The following FRK variants were observed in gnomAD, a reference collection of about 807,000 sequenced individuals.
FRK encodes the protein fyn related Src family tyrosine kinase.
FRK carries 51 observed loss-of-function variants against 56.4 expected under a neutral mutation model. The ratio of observed to expected loss-of-function variants is 0.90; its 90% CI spans 0.72 to 1.14. FRK has a LOEUF of 1.14. Among genes scored for constraint, FRK ranks in the 50% most tolerant of loss-of-function variants. The probability of loss-of-function intolerance (pLI) is 0.00; values close to 1 mark genes in which losing one functional copy is unlikely to be tolerated. For synonymous variants in FRK, 245 were observed against 217.9 expected (o/e 1.12, Z -1.10); for missense variants, 570 against 601.4 (o/e 0.95, Z 0.55).
intron 1 of FRK, among the ~76,000 whole-genome samples, chr6:116,050,092 G>A (rs1777130373): frequency 6.6e-6 from 1 of 152,126 alleles, no homozygotes; most frequent in South Asian, 2.1e-4. Flanking sequence ...GCTAACTGAG[G>A]AAATGAAAAT....
intron 1 of FRK, among the ~76,000 whole-genome samples, chr6:116,045,198 C>A (rs1170706956): frequency 1.3e-5 from 2 of 152,160 alleles, no homozygotes; most frequent in African/African-American, 4.8e-5. Context: ...CATCAAGCTA[C>A]CACTGACTTT....
chr6:115,935,566 C>T lies in FRK; in HGVS notation c.*6848G>A, dbSNP rs2095796. The T allele has an allele frequency of 0.023, 3,552 of 152,566 alleles. 159 individuals are homozygous for T. Among genetic ancestry groups the T allele is most frequent in the African/African-American group, 0.08 (3,312 of 41,560 alleles). The allele number at this position is 152,566 out of a possible 1,614,324, so 9.5% of individuals were successfully genotyped here. ...AGTGGTCTAGCTTGGCGGGTCCCAC[C>T]CCCACGGAGCCCAGCAAGCTAAGAT... On this transcript the variant is annotated 3_prime_UTR_variant, in exon 8 of 8. Transcript: ENST00000606080.
rs746230585 is a variant in FRK, at chr6:115,956,625, G to A, written c.800-15C>T. 2.0e-6 allele frequency: 3 copies of A among 1,521,560 alleles called. No individual in the cohort carries two copies. Among genetic ancestry groups the A allele is most frequent in the Admixed American group, 2.1e-5 (1 of 48,162 alleles). 94.3% of individuals were successfully genotyped at this position (1,521,560 alleles called of 1,614,324 possible). On this transcript the variant is annotated splice_polypyrimidine_tract_variant and intron_variant, in intron 4 of 7. Transcript: ENST00000606080. Reference sequence around the variant, plus strand: ...ATCCATTGAACCTGAAACAAGAAGAGGGAGAAATCACTTTATGTTATTGAG... The same window carrying A: ...ATCCATTGAACCTGAAACAAGAAGAAGGAGAAATCACTTTATGTTATTGAG...
At chr6:116,039,262 G>T (rs1776621109) in intron 1 of FRK, 1 of 1,491,024 alleles carries the variant, frequency 6.7e-7, no homozygotes, top group Admixed American at 1.7e-5. Context: ...GTGGGCCATT[G>T]GTACCAGCAA....
chr6:116,001,924 A>T (rs1379356985), intron 2 of FRK, among the ~76,000 whole-genome samples: 1 of 152,140 alleles, frequency 6.6e-6, no homozygotes, highest in Non-Finnish European at 1.5e-5. Context: ...CTGAAAATTC[A>T]TTTTCAGAAC....
At chr6:116,065,968 T>A in the FRK span, among the ~76,000 whole-genome samples, 1 of 152,216 alleles carries the variant, frequency 6.6e-6, no homozygotes, top group Non-Finnish European at 1.5e-5. Context: ...TTTCTCTGTA[T>A]CACAAGGAAA....
intron 1 of FRK, among the ~76,000 whole-genome samples, chr6:116,022,175 T>C (rs969071208): frequency 2.0e-5 from 3 of 152,080 alleles, no homozygotes; most frequent in African/African-American, 7.2e-5. Flanking sequence ...ACATTCATAA[T>C]TTAAAACCTT....
At chr6:116,050,836 A>G (rs1322404122) in intron 1 of FRK, among the ~76,000 whole-genome samples, 1 of 152,200 alleles carries the variant, frequency 6.6e-6, no homozygotes, top group Non-Finnish European at 1.5e-5. Flanking sequence ...GAAATGGTGA[A>G]AAGACATTGG....
chr6:116,075,502 C>T, the FRK span, among the ~76,000 whole-genome samples: 1 of 149,294 alleles, frequency 6.7e-6, no homozygotes, highest in East Asian at 1.9e-4. Context: ...TTTTTTTCCT[C>T]CCAGAAGTTG....
chr6:116,011,572 G>A (rs578061714), intron 1 of FRK, among the ~76,000 whole-genome samples: 7 of 152,162 alleles, frequency 4.6e-5, no homozygotes, highest in African/African-American at 7.2e-5. Context: ...TGATTTCCCT[G>A]TGGGAGCTCA....
the FRK span, among the ~76,000 whole-genome samples, chr6:116,079,480 G>T: frequency 6.6e-6 from 1 of 150,376 alleles, no homozygotes; most frequent in Non-Finnish European, 1.5e-5. Context: ...TTTCTTCTTT[G>T]AGGCTTACTT....
At chr6:115,944,551 C>T (rs1337405031) in intron 5 of FRK, 126 bp from the exon 6 acceptor site, 18 of 624,660 alleles carry the variant, frequency 2.9e-5, no homozygotes, top group Non-Finnish European at 4.6e-5. Flanking sequence ...ATCTGTTGAG[C>T]AAAATATATA....
At chr6:116,082,513 G>A in the FRK span, among the ~76,000 whole-genome samples, 1 of 152,178 alleles carries the variant, frequency 6.6e-6, no homozygotes, top group Non-Finnish European at 1.5e-5. Context: ...GATCCAAGCA[G>A]TGAAGTTAGA....
At position 115,941,133 on chromosome 6, in the gene FRK, CACA is replaced by C. The variant is rs1772157119; in HGVS notation, c.*1278_*1280del. On this transcript the variant is annotated 3_prime_UTR_variant, in exon 8 of 8. Coordinates refer to ENST00000606080, the MANE Select transcript of FRK (RefSeq NM_002031.3). ...GATAGACTGGATAAAGAAAATGTGG[CACA>C]TAGACACTATGGAATACTATGCAGC... 6.6e-6 allele frequency: 1 copy of C among 152,114 alleles called. No homozygotes were observed. Among genetic ancestry groups the C allele is most frequent in the Non-Finnish European group, 1.5e-5 (1 of 68,022 alleles). 9.4% of individuals were successfully genotyped at this position (152,114 alleles called of 1,614,324 possible).
At chr6:116,011,550 A>C (rs1775468945) in intron 1 of FRK, among the ~76,000 whole-genome samples, 1 of 152,050 alleles carries the variant, frequency 6.6e-6, no homozygotes, top group South Asian at 2.1e-4. Context: ...TCATAGGGAA[A>C]GTAAGCTAGG....
intron 2 of FRK, among the ~76,000 whole-genome samples, chr6:115,980,723 T>C (rs1187266338): frequency 2.0e-5 from 3 of 152,172 alleles, no homozygotes; most frequent in Non-Finnish European, 2.9e-5. Context: ...CTGTCTGGTA[T>C]GATACTTGAT....
intron 1 of FRK, among the ~76,000 whole-genome samples, chr6:116,017,012 C>A (rs191524799): frequency 1.6e-4 from 24 of 152,236 alleles, no homozygotes; most frequent in African/African-American, 5.8e-4. Flanking sequence ...GAAGGCTCTG[C>A]CTGCACTGAT....
At chr6:116,068,532 C>T in the FRK span, among the ~76,000 whole-genome samples, 1 of 152,132 alleles carries the variant, frequency 6.6e-6, no homozygotes, top group African/African-American at 2.4e-5. Context: ...ATCTAACCAG[C>T]TGAAACCGTT....
intron 1 of FRK, among the ~76,000 whole-genome samples, chr6:116,037,361 T>C (rs1453863189): frequency 1.3e-5 from 2 of 152,170 alleles, no homozygotes; most frequent in Non-Finnish European, 2.9e-5. Flanking sequence ...TAATAGATAA[T>C]TTGGTTGATA....
Sources: gnomAD v4.1 joint callset for allele counts (sites outside exome capture counted in the v4.1 genomes callset) on GRCh38, gnomAD v4.1.1 for gene constraint, MANE v1.5 for transcripts, NCBI Gene and HGNC (gene_info 2026-07-23, HGNC 2026-07-21) for gene names.